SEMA4D: variants seen among roughly 807,000 people sequenced by gnomAD.
The protein encoded by SEMA4D is semaphorin-4D.
A neutral mutation model predicts 74.8 loss-of-function variants in SEMA4D; 22 were observed. The observed-to-expected ratio is 0.29, with a 90% CI of 0.21 to 0.42. The LOEUF is 0.42. SEMA4D is among the 10% of genes least tolerant of loss of function. SEMA4D has a pLI of 1.00. For missense variants in SEMA4D, 937 were observed against 1,118.4 expected (o/e 0.84, Z 2.31); for synonymous variants, 445 against 463.7 (o/e 0.96, Z 0.52).
intron 2 of SEMA4D, among the ~76,000 whole-genome samples, chr9:89,453,380 C>G (rs755968287): frequency 1.3e-5 from 2 of 152,258 alleles, no homozygotes; most frequent in Admixed American, 6.5e-5. Flanking sequence ...AGAAATCACA[C>G]GCAAGACACA....
rs771512127 is a variant in SEMA4D at position 89,402,926 on chromosome 9, G to C, written c.197C>G (p.Ala66Gly). Residue 66 changes from alanine (A) to glycine (G), a missense_variant, in exon 4 of 16, where the codon GCC becomes GGC. By Grantham distance (60) the Ala-to-Gly change is moderately conservative. Transcript: ENST00000422704. ...SEDKDTLYIG[A>G]REAVFAVNAL... Reference sequence around the variant, plus strand: ...GTTCACAGCGAAGACCGCCTCCCGGGCACCTATGTACAAGGTGTCCTTGTC... The same window carrying C: ...GTTCACAGCGAAGACCGCCTCCCGGCCACCTATGTACAAGGTGTCCTTGTC... 1.2e-6 allele frequency: 2 copies of C among 1,614,074 alleles called. No individual in the cohort carries two copies. The highest frequency in any genetic ancestry group is 2.2e-5 in the East Asian group (1 of 44,902).
At chr9:89,405,880 G>A (rs995345826) in intron 2 of SEMA4D, 181 bp from the exon 3 acceptor site, 249 of 1,229,468 alleles carry the variant, frequency 2.0e-4, no homozygotes, top group Non-Finnish European at 2.4e-4. Flanking sequence ...ACAGGAAAGC[G>A]AAGCCAGGGT....
At chr9:89,394,855 G>A (rs1174906705) in intron 6 of SEMA4D, among the ~76,000 whole-genome samples, 1 of 152,242 alleles carries the variant, frequency 6.6e-6, no homozygotes, top group Non-Finnish European at 1.5e-5. Flanking sequence ...ACTGGATGAT[G>A]CTGGGGAATG....
chr9:89,440,647 T>C (rs1325764852), intron 2 of SEMA4D, among the ~76,000 whole-genome samples: 1 of 152,206 alleles, frequency 6.6e-6, no homozygotes, highest in Non-Finnish European at 1.5e-5. Flanking sequence ...CGTGCAAGAC[T>C]TATTCATGTT....
intron 13 of SEMA4D, chr9:89,385,398 G>C: frequency 1.0e-6 from 1 of 985,370 alleles, no homozygotes; most frequent in Non-Finnish European, 1.2e-6. Flanking sequence ...AGAGCTTCTG[G>C]GTCCCCTTCT....
At chr9:89,479,066 C>G (rs1862511814) in intron 1 of SEMA4D, among the ~76,000 whole-genome samples, 1 of 152,184 alleles carries the variant, frequency 6.6e-6, no homozygotes. Flanking sequence ...GACTGAATAC[C>G]AGGGCTGCCC....
intron 15 of SEMA4D, 38 bp from the exon 16 acceptor site, chr9:89,379,667 C>A: frequency 1.3e-6 from 2 of 1,564,558 alleles, no homozygotes; most frequent in Non-Finnish European, 1.7e-6. Flanking sequence ...CGTCAACAAT[C>A]CCCATTTGCT....
chr9:89,479,000 C>T (rs1588167037), intron 1 of SEMA4D, among the ~76,000 whole-genome samples: 1 of 152,212 alleles, frequency 6.6e-6, no homozygotes, highest in East Asian at 1.9e-4. Context: ...CCAAGGGCTA[C>T]AGCTACAGTC....
At chr9:89,382,669 C>T (rs1837404073) in intron 13 of SEMA4D, among the ~76,000 whole-genome samples, 2 of 152,254 alleles carry the variant, frequency 1.3e-5, no homozygotes, top group East Asian at 3.8e-4. Flanking sequence ...TCCCAGATCA[C>T]AGTTCGGGCA....
downstream of SEMA4D, among the ~76,000 whole-genome samples, chr9:89,373,010 T>C (rs1817991162): frequency 6.6e-6 from 1 of 152,042 alleles, no homozygotes; most frequent in South Asian, 2.1e-4. Context: ...GTGGCACTGG[T>C]GGCCAATCTC....
At chr9:89,478,374 G>A (rs1309760298) in intron 1 of SEMA4D, among the ~76,000 whole-genome samples, 2 of 152,084 alleles carry the variant, frequency 1.3e-5, no homozygotes, top group African/African-American at 2.4e-5. Flanking sequence ...ACAAGCCAAG[G>A]GACACTGGGG....
intron 6 of SEMA4D, 94 bp downstream of exon 6, chr9:89,396,643 G>T: frequency 3.0e-6 from 3 of 1,012,174 alleles, no homozygotes; most frequent in South Asian, 1.5e-5. Context: ...TTTTTTTTTA[G>T]GGTGGAGACA....
chr9:89,492,196 T>C lies in SEMA4D; in HGVS notation c.-310+5723A>G, dbSNP rs922213273. Among the ~76,000 whole-genome samples the C allele has an allele frequency of 2.0e-5, 3 of 152,120 alleles. No homozygotes were observed. The highest frequency in any genetic ancestry group is 7.2e-5 in the African/African-American group (3 of 41,406). ...CTTCAGCCCACCATCCCAGACCACA[T>C]GGATAAACCCCAGGTTGTCTTCGGT... On this transcript the variant is annotated intron_variant, in intron 1 of 15. Coordinates refer to ENST00000422704, the MANE Select transcript of SEMA4D (RefSeq NM_001371194.2). The surrounding 1 kb of genome is among the most constrained non-coding windows in gnomAD (Gnocchi z 4.3).
At chr9:89,394,651 C>T (rs1346469435) in intron 6 of SEMA4D, among the ~76,000 whole-genome samples, 3 of 152,234 alleles carry the variant, frequency 2.0e-5, no homozygotes, top group Non-Finnish European at 2.9e-5. Flanking sequence ...GCTGGAAACA[C>T]GCTCTCGGAA....
rs1420646129 is a variant in SEMA4D, at chr9:89,386,670, C to A, written c.1331-188G>T. 9.2e-6 allele frequency: 5 copies of A among 544,536 alleles called. No individual in the cohort carries two copies. In the East Asian group the frequency reaches 1.6e-4, roughly 17 times the overall value. The allele number at this position is 544,536 out of a possible 1,614,324, so 33.7% of individuals were successfully genotyped here. On this transcript the variant is annotated intron_variant, in intron 12 of 15. Coordinates refer to ENST00000422704, the MANE Select transcript of SEMA4D (RefSeq NM_001371194.2). Reference sequence around the variant, plus strand: ...CTTTGGCAAAACAGACAACTGGAAACCCAAGTGTTATGGGTTATTCCAGTT... The same window carrying A: ...CTTTGGCAAAACAGACAACTGGAAAACCAAGTGTTATGGGTTATTCCAGTT...
chr9:89,403,151 T>C (rs998886735), intron 3 of SEMA4D, 135 bp from the exon 4 acceptor site: 3 of 1,031,196 alleles, frequency 2.9e-6, no homozygotes, highest in South Asian at 3.1e-5. Context: ...TCGAGGGCCA[T>C]GTGTTGCTGC....
intron 2 of SEMA4D, among the ~76,000 whole-genome samples, chr9:89,434,237 C>T (rs1460973966): frequency 1.3e-5 from 2 of 152,088 alleles, no homozygotes; most frequent in Non-Finnish European, 2.9e-5. Context: ...GCATGCTGCC[C>T]CCATCCAGCA....
At chr9:89,392,310 G>T (rs6559349) in intron 8 of SEMA4D, 113 bp downstream of exon 8, 133,542 of 733,854 alleles carry the variant, frequency 0.18, 13,927 homozygotes, top group African/African-American at 0.35. Flanking sequence ...ACAAACAGGG[G>T]CTAACACAAG....
chr9:89,444,999 C>T (rs137981464), intron 2 of SEMA4D, among the ~76,000 whole-genome samples: 337 of 152,240 alleles, frequency 2.2e-3, no homozygotes, highest in African/African-American at 7.5e-3. Flanking sequence ...AAGATCCAAA[C>T]GGCCACAGAA....
Sources: allele counts gnomAD v4.1 joint callset (sites outside exome capture counted in the v4.1 genomes callset), GRCh38; gene constraint gnomAD v4.1.1; non-coding constraint Gnocchi (gnomAD v3.1); transcripts MANE v1.5; gene names NCBI Gene and HGNC (gene_info 2026-07-23, HGNC 2026-07-21).